The following SMYD3 variants were observed in gnomAD, a reference collection of about 807,000 sequenced individuals.
SMYD3 encodes SET and MYND domain containing 3, also known as histone-lysine N-methyltransferase SMYD3.
A neutral mutation model predicts 57.7 loss-of-function variants in SMYD3; 36 were observed. The ratio of observed to expected loss-of-function variants is 0.62; its 90% CI spans 0.48 to 0.82. The LOEUF is 0.82. Ranked by LOEUF, SMYD3 falls within the 40% of genes least tolerant of loss-of-function variation. SMYD3 has a pLI of 0.00. For missense variants in SMYD3, 515 were observed against 538.8 expected (o/e 0.96, Z 0.44); for synonymous variants, 211 against 195.0 (o/e 1.08, Z -0.68).
intron 10 of SMYD3, among the ~76,000 whole-genome samples, chr1:245,808,334 T>C (rs1285566566): frequency 6.6e-6 from 1 of 152,142 alleles, no homozygotes; most frequent in African/African-American, 2.4e-5. Flanking sequence ...TGGGCACCCA[T>C]ATACACATAC....
chr1:245,920,248 G>A (rs887051743), intron 7 of SMYD3, among the ~76,000 whole-genome samples: 43 of 150,576 alleles, frequency 2.9e-4, no homozygotes, highest in African/African-American at 9.0e-4. Flanking sequence ...GGGAGGCGGA[G>A]CTTGCAGTGA....
chr1:246,378,719 A>ATATT (rs1558433560), intron 1 of SMYD3, among the ~76,000 whole-genome samples: 2 of 38,014 alleles, frequency 5.3e-5, no homozygotes, highest in Non-Finnish European at 7.5e-5. Flanking sequence ...TATATAATAT[A>ATATT]ATATATTATA....
rs114475352 is a variant in SMYD3, at chr1:246,394,024, A to G, written c.165-38930T>C. On this transcript the variant is annotated intron_variant, in intron 1 of 11. Transcript: ENST00000490107. ...AGCTTTGCTTTTATTTCACAGAAAC[A>G]GAAAATAAAGAAAACCTAATCAGTT... Among the ~76,000 whole-genome samples the G allele has an allele frequency of 2.4e-3, 360 of 152,332 alleles. 2 individuals are homozygous for G. The highest frequency in any genetic ancestry group is 6.8e-3 in the Middle Eastern group (2 of 294).
At chr1:246,096,074 T>C (rs944843193) in intron 5 of SMYD3, among the ~76,000 whole-genome samples, 15 of 152,152 alleles carry the variant, frequency 9.9e-5, no homozygotes, top group African/African-American at 3.6e-4. Flanking sequence ...ACAGCACACG[T>C]GCAATTCTGT....
At chr1:245,833,073 A>AAAAAAAAAACAAAAAAAAAACACAAC in intron 10 of SMYD3, among the ~76,000 whole-genome samples, 1 of 128,652 alleles carries the variant, frequency 7.8e-6, no homozygotes, top group African/African-American at 3.0e-5. Context: ...AAAAAAAAAA[A>AAAAAAAAAACAAAAAAAAAACACAAC]AACCTGCTTT....
At chr1:245,919,370 C>T (rs2055693224) in intron 7 of SMYD3, among the ~76,000 whole-genome samples, 1 of 152,160 alleles carries the variant, frequency 6.6e-6, no homozygotes, top group South Asian at 2.1e-4. Flanking sequence ...ACAATGAACA[C>T]CATGCCAACA....
intron 1 of SMYD3, among the ~76,000 whole-genome samples, chr1:246,435,574 C>G (rs2067358398): frequency 6.6e-6 from 1 of 151,668 alleles, no homozygotes; most frequent in South Asian, 2.1e-4. Context: ...AGATAAGGAA[C>G]AGTCAGGACA....
intron 5 of SMYD3, among the ~76,000 whole-genome samples, chr1:245,982,198 G>C (rs2058611723): frequency 6.6e-6 from 1 of 152,208 alleles, no homozygotes; most frequent in Non-Finnish European, 1.5e-5. Context: ...GCGGTAGCAT[G>C]ATCACAGCTC....
Position 245,816,964 on chromosome 1 carries a change from T to C in SMYD3, c.1076+41532A>G, listed in dbSNP as rs552191992. Among the ~76,000 whole-genome samples the C allele has an allele frequency of 7.8e-3, 1,174 of 150,496 alleles. 18 individuals carry two copies. Among genetic ancestry groups the C allele is most frequent in the African/African-American group, 0.024 (983 of 41,158 alleles). On this transcript the variant is annotated intron_variant, in intron 10 of 11. Coordinates refer to ENST00000490107, the MANE Select transcript of SMYD3 (RefSeq NM_001167740.2). ...TCAAACTGCAAGGCGGCAGCGAGGC[T>C]GGGGGAGGGGCGCCCGCCATTGCCC... is the stretch of plus-strand genomic sequence containing the variant.
At chr1:246,106,879 C>T (rs1216004262) in intron 5 of SMYD3, among the ~76,000 whole-genome samples, 1 of 152,102 alleles carries the variant, frequency 6.6e-6, no homozygotes, top group Non-Finnish European at 1.5e-5. Context: ...TGTATAGATT[C>T]CTTAAACTCT....
intron 5 of SMYD3, among the ~76,000 whole-genome samples, chr1:246,230,402 G>C (rs78573593): frequency 0.044 from 6,753 of 152,194 alleles, 239 homozygotes; most frequent in African/African-American, 0.087. Context: ...AATTTTAAAA[G>C]AAGTACATAG....
intron 5 of SMYD3, among the ~76,000 whole-genome samples, chr1:245,972,120 C>G (rs1391738033): frequency 6.6e-6 from 1 of 152,162 alleles, no homozygotes; most frequent in Non-Finnish European, 1.5e-5. Flanking sequence ...ATGTAAGTCC[C>G]TGGTACAAGA....
At chr1:246,354,467 G>T (rs1400710879) in intron 2 of SMYD3, among the ~76,000 whole-genome samples, 2 of 152,108 alleles carry the variant, frequency 1.3e-5, no homozygotes, top group Non-Finnish European at 2.9e-5. Context: ...GTGCAAAACA[G>T]GATGTGAAGT....
At chr1:245,762,552 ACGGTG>A (rs904310947) in intron 11 of SMYD3, among the ~76,000 whole-genome samples, 2 of 152,184 alleles carry the variant, frequency 1.3e-5, no homozygotes, top group Non-Finnish European at 2.9e-5. Context: ...GCTGCAACAG[ACGGTG>A]CGGTGTTCTT....
chr1:246,445,409 A>G (rs2067537886), intron 1 of SMYD3, among the ~76,000 whole-genome samples: 2 of 152,194 alleles, frequency 1.3e-5, no homozygotes, highest in African/African-American at 4.8e-5. Context: ...CTATGTCCCT[A>G]AAATTGCCTT....
intron 5 of SMYD3, among the ~76,000 whole-genome samples, chr1:246,101,604 T>C (rs1232156445): frequency 6.6e-6 from 1 of 152,272 alleles, no homozygotes; most frequent in Admixed American, 6.5e-5. Context: ...AAAAATCATT[T>C]AATTGTACAT....
At chr1:246,293,266 G>A (rs1178221683) in intron 5 of SMYD3, among the ~76,000 whole-genome samples, 1 of 152,150 alleles carries the variant, frequency 6.6e-6, no homozygotes, top group Non-Finnish European at 1.5e-5. Context: ...ATTTGGTCAT[G>A]TAGTCTGAAC....
At chr1:246,335,206 TG>T (rs533204486) in intron 3 of SMYD3, among the ~76,000 whole-genome samples, 160 bp downstream of exon 3, 10 of 152,352 alleles carry the variant, frequency 6.6e-5, no homozygotes, top group African/African-American at 2.2e-4. Context: ...TTATATTTAC[TG>T]GGAAGCCAAA....
At chr1:246,210,336 C>T (rs916535260) in intron 5 of SMYD3, among the ~76,000 whole-genome samples, 1 of 152,092 alleles carries the variant, frequency 6.6e-6, no homozygotes, top group Non-Finnish European at 1.5e-5. Context: ...TAACAGGGTG[C>T]CTTGAATATT....
Sources: gnomAD v4.1 joint callset for allele counts (sites outside exome capture counted in the v4.1 genomes callset) on GRCh38, gnomAD v4.1.1 for gene constraint, MANE v1.5 for transcripts, NCBI Gene and HGNC (gene_info 2026-07-23, HGNC 2026-07-21) for gene names.